Variants in NOMO3 observed in about 807,000 individuals in gnomAD.
NOMO3 encodes the protein NODAL modulator 3, also known as BOS complex subunit NOMO3.
In NOMO3, 15 loss-of-function variants were observed where a neutral mutation model predicts 69.9. That is an observed-to-expected ratio of 0.21 (90% CI 0.14 to 0.33). The LOEUF is 0.33. Ranked by LOEUF, NOMO3 falls within the 10% of genes least tolerant of loss-of-function variation. The pLI is 1.00. For synonymous variants in NOMO3, 89 were observed against 301.9 expected (o/e 0.29, Z 7.31); for missense variants, 218 against 761.0 (o/e 0.29, Z 8.39).
rs1009767424 is a variant in NOMO3 at position 16,243,429 on chromosome 16, C to T, written c.402+168C>T. 2.1e-5 allele frequency among the ~76,000 whole-genome samples: 3 copies of T among 143,820 alleles called. 1 individual carries two copies. Among genetic ancestry groups the T allele is most frequent in the South Asian group, 2.2e-4 (1 of 4,522 alleles). The allele number at this position is 143,820 out of a possible 152,430, so 94.4% of individuals were successfully genotyped here. A position where few individuals can be genotyped will look rare whatever the true frequency, so the allele number is the denominator to read the frequency against. On this transcript the variant is annotated intron_variant, in intron 4 of 30. Coordinates refer to ENST00000399336, the MANE Select transcript of NOMO3 (RefSeq NM_001004067.4). Reference sequence around the variant, plus strand: ...CTCTGTACTTCATCCGTGTAGAACACAGCAGGTGTATTTAGGAATGAGATT... The same window carrying T: ...CTCTGTACTTCATCCGTGTAGAACATAGCAGGTGTATTTAGGAATGAGATT...
chr16:16,265,301 A>T, intron 15 of NOMO3, 122 bp downstream of exon 15: 1 of 1,570,596 alleles, frequency 6.4e-7, no homozygotes, highest in Non-Finnish European at 8.6e-7. Flanking sequence ...CTGCCTCTGC[A>T]CTCACCCACC....
At chr16:16,265,633 CTCTGATATATATATATATA>C (rs2049606467) in intron 15 of NOMO3, among the ~76,000 whole-genome samples, 1 of 75,372 alleles carries the variant, frequency 1.3e-5, no homozygotes, top group Non-Finnish European at 2.3e-5. Flanking sequence ...AAGTGAGTTT[CTCTGATATATATATATATA>C]TATATATATA....
chr16:16,235,276 A>G (rs943926926), intron 1 of NOMO3, among the ~76,000 whole-genome samples: 1 of 150,734 alleles, frequency 6.6e-6, no homozygotes. Flanking sequence ...GGCTCGTGTC[A>G]TGGTTTGTTT....
intron 13 of NOMO3, 82 bp downstream of exon 13, chr16:16,263,297 T>C (rs1423801233): frequency 6.3e-7 from 1 of 1,594,126 alleles, no homozygotes; most frequent in Non-Finnish European, 8.5e-7. Context: ...CTTTTTGTTT[T>C]GCCTTTGTTG....
At chr16:16,260,394 C>T (rs2049553162) in intron 11 of NOMO3, among the ~76,000 whole-genome samples, 1 of 140,594 alleles carries the variant, frequency 7.1e-6, no homozygotes, top group Admixed American at 6.9e-5. Context: ...GCAGTTCATA[C>T]ACAAACGGGA....
chr16:16,249,818 T>G (rs2049447985), intron 6 of NOMO3, among the ~76,000 whole-genome samples: 1 of 143,692 alleles, frequency 7.0e-6, no homozygotes, highest in Non-Finnish European at 1.5e-5. Flanking sequence ...CTGGTGCTAT[T>G]CTGTTGGGTA....
Position 16,241,419 on chromosome 16 carries a change from A to AT in NOMO3, c.301+1530dup, listed in dbSNP as rs1483585779. Among the ~76,000 whole-genome samples the AT allele has an allele frequency of 3.4e-4, 49 of 142,286 alleles. 4 individuals carry two copies. The highest frequency in any genetic ancestry group is 1.1e-3 in the African/African-American group (39 of 35,180). The allele number at this position is 142,286 out of a possible 152,430, so 93.3% of individuals were successfully genotyped here. On this transcript the variant is annotated intron_variant, in intron 3 of 30. Coordinates refer to ENST00000399336, the MANE Select transcript of NOMO3 (RefSeq NM_001004067.4). ...TTATAAAATACTTATATTTTATTTT[A>AT]TTTTTTTCTTTTTTTTGAGACTGAG... is the stretch of plus-strand genomic sequence containing the variant.
intron 11 of NOMO3, among the ~76,000 whole-genome samples, chr16:16,257,641 A>C (rs527627023): frequency 7.1e-6 from 1 of 140,614 alleles, no homozygotes; most frequent in Non-Finnish European, 1.5e-5. Flanking sequence ...CAGGTGGCCC[A>C]GGGGGGGACC....
Position 16,256,167 on chromosome 16 carries a change from A to G in NOMO3, c.1220+9A>G. ...GACATTGTTGCAACAGGGTAAGCTT[A>G]TCGTGTGGATTTGGAAGCACCAGTA... On this transcript the variant is annotated intron_variant, in intron 11 of 30. Transcript: ENST00000399336. The G allele has an allele frequency of 6.3e-7, 1 of 1,587,924 alleles. No individual in the cohort carries two copies. The highest frequency in any genetic ancestry group is 8.5e-7 in the Non-Finnish European group (1 of 1,175,042).
intron 1 of NOMO3, among the ~76,000 whole-genome samples, chr16:16,236,263 G>C (rs1342772369): frequency 4.2e-5 from 6 of 144,568 alleles, no homozygotes; most frequent in African/African-American, 8.3e-5. Flanking sequence ...TATTATTTTT[G>C]AGACGGAGTC....
At chr16:16,240,942 C>T (rs1350186267) in intron 3 of NOMO3, among the ~76,000 whole-genome samples, 157 of 142,610 alleles carry the variant, frequency 1.1e-3, no homozygotes, top group African/African-American at 4.2e-3. Flanking sequence ...CAGCCCTGCT[C>T]ATGGCCAAAG....
rs2049386412 is a variant in NOMO3, at chr16:16,243,064, A to G, written c.302-97A>G. ...TGTTCAAAAGTAAAATGAAACCTGA[A>G]TAATAAAAATACGTTCTACTTAGGT... On this transcript the variant is annotated intron_variant, in intron 3 of 30. Coordinates refer to ENST00000399336, the MANE Select transcript of NOMO3 (RefSeq NM_001004067.4). The G allele has an allele frequency of 5.0e-5, 47 of 941,628 alleles. 7 individuals carry two copies. The South Asian group carries it at 7.5e-4, about 15-fold the overall frequency. 58.3% of individuals were successfully genotyped at this position (941,628 alleles called of 1,614,324 possible).
chr16:16,248,043 G>T (rs1596803045), intron 6 of NOMO3, among the ~76,000 whole-genome samples: 2 of 74,094 alleles, frequency 2.7e-5, no homozygotes, highest in Non-Finnish European at 2.3e-5. Flanking sequence ...AAGGAAATAT[G>T]ATTTTAAATA....
At chr16:16,265,343 T>C in intron 15 of NOMO3, 164 bp downstream of exon 15, 22 of 1,300,870 alleles carry the variant, frequency 1.7e-5, no homozygotes, top group Non-Finnish European at 2.3e-5. Context: ...GAAGCATTTA[T>C]ACTCTCTCAG....
intron 18 of NOMO3, among the ~76,000 whole-genome samples, chr16:16,272,793 CT>C (rs1650626612): frequency 6.6e-6 from 1 of 152,210 alleles, no homozygotes; most frequent in African/African-American, 2.4e-5. Flanking sequence ...CTCAGCTGGC[CT>C]TCCTGTTTCC....
chr16:16,265,576 C>A (rs1466432030), intron 15 of NOMO3, among the ~76,000 whole-genome samples: 3 of 125,192 alleles, frequency 2.4e-5, no homozygotes, highest in Admixed American at 1.6e-4. Context: ...TTAAGTGAAC[C>A]CTCTTAGGTA....
chr16:16,232,541 T>A lies in NOMO3; in HGVS notation c.-126T>A, dbSNP rs1388599817. 2.4e-6 allele frequency: 3 copies of A among 1,231,372 alleles called. No individual in the cohort carries two copies. Among genetic ancestry groups the A allele is most frequent in the Non-Finnish European group, 3.1e-6 (3 of 979,840 alleles). 76.3% of individuals were successfully genotyped at this position (1,231,372 alleles called of 1,614,324 possible). On this transcript the variant is annotated 5_prime_UTR_variant, in exon 1 of 31. Transcript: ENST00000399336. ...CGAAGCGCGCGTGCGCGGCGGCGGCTGGCGGCGGCGGTGGGGCGGGGCCTG... is the reference window on the plus strand; with the variant it reads ...CGAAGCGCGCGTGCGCGGCGGCGGCAGGCGGCGGCGGTGGGGCGGGGCCTG...
At position 16,270,102 on chromosome 16, in the gene NOMO3, T is replaced by A. The variant is rs1396404911; in HGVS notation, c.1895-19T>A. 6.5e-7 allele frequency: 1 copy of A among 1,539,654 alleles called. No individual in the cohort carries two copies. The highest frequency in any genetic ancestry group is 8.7e-7 in the Non-Finnish European group (1 of 1,151,840). On this transcript the variant is annotated intron_variant, in intron 16 of 30. Coordinates refer to ENST00000399336, the MANE Select transcript of NOMO3 (RefSeq NM_001004067.4). ...TAGATGCCATTCTCTGAAAATTACT[T>A]TTGATTTCCTGTCTGTAGGTGTGTA... is the stretch of plus-strand genomic sequence containing the variant.
In NOMO3 at chr16:16,266,681, C is replaced by T. The variant is rs769293231; in HGVS notation, c.1807-363C>T. ...GTGGGGATTGTTCTTCTCTTGCTTTCCTGTTTATTTTCACAGCTTCGTTAC... is the reference window on the plus strand; with the variant it reads ...GTGGGGATTGTTCTTCTCTTGCTTTTCTGTTTATTTTCACAGCTTCGTTAC... On this transcript the variant is annotated intron_variant, in intron 15 of 30. Coordinates refer to ENST00000399336, the MANE Select transcript of NOMO3 (RefSeq NM_001004067.4). 2.4e-4 allele frequency: 100 copies of T among 418,900 alleles called. 4 individuals are homozygous for T. The highest frequency in any genetic ancestry group is 3.9e-4 in the South Asian group (20 of 51,536). 25.9% of individuals were successfully genotyped at this position (418,900 alleles called of 1,614,324 possible).
Sources: gnomAD v4.1 joint callset for allele counts (sites outside exome capture counted in the v4.1 genomes callset) on GRCh38, gnomAD v4.1.1 for gene constraint, MANE v1.5 for transcripts, NCBI Gene and HGNC (gene_info 2026-07-23, HGNC 2026-07-21) for gene names.